SLC35D4: variants seen among roughly 807,000 people sequenced by gnomAD.
SLC35D4 encodes the protein solute carrier family 35 member D4, also known as UDP-N-acetylglucosamine transporter SLC35D4.
the SLC35D4 span, among the ~76,000 whole-genome samples, chr18:23,408,814 CTCTTT>C: frequency 9.1e-6 from 1 of 109,470 alleles, no homozygotes; most frequent in Non-Finnish European, 2.1e-5. Flanking sequence ...TATCTTATCT[CTCTTT>C]TTTTTTTTTT....
chr18:23,380,864 C>T, the SLC35D4 span, among the ~76,000 whole-genome samples: 1 of 152,170 alleles, frequency 6.6e-6, no homozygotes, highest in South Asian at 2.1e-4. Flanking sequence ...TGAAAATGAA[C>T]TCTACAGCTC....
At chr18:23,357,141 C>A in the SLC35D4 span, among the ~76,000 whole-genome samples, 1 of 152,086 alleles carries the variant, frequency 6.6e-6, no homozygotes, top group Non-Finnish European at 1.5e-5. Context: ...TTTCAAGACT[C>A]TTTTCTTCTT....
chr18:23,312,590 C>T, the SLC35D4 span, among the ~76,000 whole-genome samples: 118 of 152,178 alleles, frequency 7.8e-4, 3 homozygotes, highest in South Asian at 8.7e-3. Flanking sequence ...TGGGGTTGGA[C>T]GGGCCCATTT....
the SLC35D4 span, among the ~76,000 whole-genome samples, chr18:23,380,060 G>A: frequency 9.2e-5 from 14 of 152,156 alleles, no homozygotes; most frequent in East Asian, 1.2e-3. Context: ...TCACGCCACC[G>A]CACTCCAGCC....
chr18:23,248,747 C>T, the SLC35D4 span, among the ~76,000 whole-genome samples: 2 of 152,234 alleles, frequency 1.3e-5, no homozygotes, highest in East Asian at 3.9e-4. Flanking sequence ...ATCGCTTGAA[C>T]CCAGGAGGCA....
chr18:23,384,863 A>G, the SLC35D4 span: 91 of 724,488 alleles, frequency 1.3e-4, no homozygotes, highest in African/African-American at 1.4e-3. Flanking sequence ...ATTGATCACT[A>G]TCAGGTAATC....
At chr18:23,357,735 G>A in the SLC35D4 span, among the ~76,000 whole-genome samples, 1 of 152,348 alleles carries the variant, frequency 6.6e-6, no homozygotes, top group Non-Finnish European at 1.5e-5. Context: ...GATCTCAAAT[G>A]ATTCAACTAT....
the SLC35D4 span, chr18:23,331,488 C>CA: frequency 2.0e-5 from 3 of 152,168 alleles, no homozygotes; most frequent in Admixed American, 1.3e-4. Context: ...TCCCAGTGGC[C>CA]AACAAACAGG....
the SLC35D4 span, chr18:23,352,336 A>T: frequency 1.3e-6 from 2 of 1,504,294 alleles, no homozygotes; most frequent in Non-Finnish European, 1.8e-6. Flanking sequence ...GTCTTCCCTT[A>T]GCCAATGGCT....
the SLC35D4 span, among the ~76,000 whole-genome samples, chr18:23,282,807 T>A: frequency 6.6e-6 from 1 of 152,046 alleles, no homozygotes; most frequent in Non-Finnish European, 1.5e-5. Context: ...TGGGGAAGTG[T>A]CCTGCCCTGT....
At chr18:23,359,059 T>C in the SLC35D4 span, among the ~76,000 whole-genome samples, 2 of 152,142 alleles carry the variant, frequency 1.3e-5, no homozygotes. Flanking sequence ...AGTGCTGAAC[T>C]ACACGGCTTA....
chr18:23,390,775 A>G, the SLC35D4 span, among the ~76,000 whole-genome samples: 1 of 152,212 alleles, frequency 6.6e-6, no homozygotes, highest in Admixed American at 6.5e-5. Context: ...ATTTTTGTAA[A>G]AGAATGTCAA....
chr18:23,321,608 C>T, the SLC35D4 span, among the ~76,000 whole-genome samples: 1 of 152,188 alleles, frequency 6.6e-6, no homozygotes, highest in African/African-American at 2.4e-5. Context: ...GCATGTGCCA[C>T]CACACCCAGC....
At chr18:23,417,662 T>TAAA in the SLC35D4 span, among the ~76,000 whole-genome samples, 1 of 152,218 alleles carries the variant, frequency 6.6e-6, no homozygotes, top group African/African-American at 2.4e-5. Flanking sequence ...TAAAAAATGG[T>TAAA]TAAAATGGTA....
the SLC35D4 span, among the ~76,000 whole-genome samples, chr18:23,373,341 A>G: frequency 6.6e-6 from 1 of 151,984 alleles, no homozygotes; most frequent in African/African-American, 2.4e-5. Context: ...AAAAACAAAA[A>G]ATCACTTTGC....
At chr18:23,315,962 T>C in the SLC35D4 span, among the ~76,000 whole-genome samples, 2 of 152,252 alleles carry the variant, frequency 1.3e-5, no homozygotes, top group South Asian at 2.1e-4. Flanking sequence ...CTATCTGCCA[T>C]GCAAAGTGTG....
chr18:23,348,029 A>C, the SLC35D4 span, among the ~76,000 whole-genome samples: 7 of 152,284 alleles, frequency 4.6e-5, no homozygotes, highest in African/African-American at 1.7e-4. Context: ...AAATTTTGAT[A>C]TGTTGTATTT....
At chr18:23,419,757 T>G in the SLC35D4 span, among the ~76,000 whole-genome samples, 1 of 152,074 alleles carries the variant, frequency 6.6e-6, no homozygotes, top group Non-Finnish European at 1.5e-5. Flanking sequence ...ATAACAGTAT[T>G]GTATCAATGT....
At chr18:23,313,114 G>A in the SLC35D4 span, among the ~76,000 whole-genome samples, 2 of 86,798 alleles carry the variant, frequency 2.3e-5, no homozygotes, top group East Asian at 3.2e-4. Flanking sequence ...GTGACAGAGC[G>A]AGACTACATC....
Sources: gnomAD v4.1 joint callset for allele counts (sites outside exome capture counted in the v4.1 genomes callset) on GRCh38, gnomAD v4.1.1 for gene constraint, MANE v1.5 for transcripts, NCBI Gene and HGNC (gene_info 2026-07-23, HGNC 2026-07-21) for gene names.